INPP5D: variants seen among roughly 807,000 people sequenced by gnomAD.
INPP5D encodes the protein inositol polyphosphate-5-phosphatase D.
In INPP5D, 33 loss-of-function variants were observed where a neutral mutation model predicts 122.9. That is an observed-to-expected ratio of 0.27 (90% CI 0.20 to 0.36). INPP5D has a LOEUF of 0.36. Among genes scored for constraint, INPP5D ranks in the 10% least tolerant of loss-of-function variants. INPP5D has a pLI of 1.00. For synonymous variants in INPP5D, 584 were observed against 576.2 expected, an observed-to-expected ratio of 1.01 and a Z score of -0.19; for missense variants, 1,053 against 1,412.7, an observed-to-expected ratio of 0.75 and a Z score of 4.08.
chr2:233,120,829 C>T (rs568358379), intron 2 of INPP5D: 1 of 152,340 alleles, frequency 6.6e-6, no homozygotes, highest in East Asian at 1.9e-4. Flanking sequence ...ACAATTACCC[C>T]CAAGGTCCTC....
chr2:233,073,183 C>T (rs765747037), intron 1 of INPP5D, among the ~76,000 whole-genome samples: 1 of 152,186 alleles, frequency 6.6e-6, no homozygotes, highest in Non-Finnish European at 1.5e-5. Context: ...GAGAGTGGGT[C>T]TCGCTGGGGG....
At chr2:233,136,777 G>A (rs973249009) in intron 5 of INPP5D, among the ~76,000 whole-genome samples, 3 of 151,958 alleles carry the variant, frequency 2.0e-5, no homozygotes, top group African/African-American at 7.3e-5. Flanking sequence ...AGGACAAGAT[G>A]GTAAAAATAA....
At chr2:233,080,430 G>GTGT (rs1691648243) in intron 2 of INPP5D, among the ~76,000 whole-genome samples, 1 of 148,496 alleles carries the variant, frequency 6.7e-6, no homozygotes, top group African/African-American at 2.5e-5. Context: ...CCACATCCCG[G>GTGT]GTGTGTGTGT....
chr2:233,170,403 G>A lies in INPP5D; in HGVS notation c.1792-93G>A, dbSNP rs1574783344. 133 of 1,563,920 alleles carry A rather than the reference G, an allele frequency of 8.5e-5. No individual in the cohort carries two copies. The South Asian group carries it at 1.4e-3, about 17-fold the overall frequency. On this transcript the variant is annotated intron_variant, in intron 15 of 26. Transcript: ENST00000445964. This position sits in a 1 kb window ranked among gnomAD's most constrained non-coding sequence, Gnocchi z 4.5. ...CCCTGCCACCATCACTCTGCAGCCC[G>A]GGTCATCCAGCTGCCCGCCCCCAGC...
intron 2 of INPP5D, among the ~76,000 whole-genome samples, chr2:233,097,406 A>T (rs187776815): frequency 3.9e-5 from 6 of 152,358 alleles, no homozygotes; most frequent in African/African-American, 1.4e-4. Flanking sequence ...CATGTAATTA[A>T]TAGGTTAATT....
chr2:233,112,135 A>G (rs72984248), intron 2 of INPP5D, among the ~76,000 whole-genome samples: 7,678 of 151,482 alleles, frequency 0.051, 614 homozygotes, highest in African/African-American at 0.17. Flanking sequence ...TTTAGCATGT[A>G]TTGACGATTC....
At chr2:233,137,832 CAAAA>C (rs746005379) in intron 5 of INPP5D, among the ~76,000 whole-genome samples, 21 of 10,124 alleles carry the variant, frequency 2.1e-3, no homozygotes, top group African/African-American at 2.7e-3. Context: ...AACTCCATCA[CAAAA>C]AAAAAAAAAA....
chr2:233,076,563 T>A (rs753832221), intron 1 of INPP5D: 1 of 152,158 alleles, frequency 6.6e-6, no homozygotes, highest in Non-Finnish European at 1.5e-5. Flanking sequence ...AGCCATAAAA[T>A]AAAATATTGT....
At chr2:233,118,416 G>C (rs904636112) in intron 2 of INPP5D, among the ~76,000 whole-genome samples, 5 of 152,168 alleles carry the variant, frequency 3.3e-5, no homozygotes, top group Admixed American at 2.6e-4. Context: ...CCCCTCCGCT[G>C]TCTGGGCCGG....
intron 9 of INPP5D, among the ~76,000 whole-genome samples, chr2:233,153,922 A>G (rs1457068713): frequency 6.6e-6 from 1 of 152,162 alleles, no homozygotes; most frequent in African/African-American, 2.4e-5. Flanking sequence ...GGCAGGAGTT[A>G]GAAGTCTTCT....
intron 2 of INPP5D, among the ~76,000 whole-genome samples, chr2:233,088,699 G>A (rs1691914479): frequency 6.6e-6 from 1 of 152,238 alleles, no homozygotes; most frequent in Admixed American, 6.5e-5. Flanking sequence ...ACGCACAGAG[G>A]CCAGTCAGCT....
Position 233,177,294 on chromosome 2 carries a change from C to A in INPP5D, c.2019C>A (p.Asp673Glu). The change falls in exon 18 of 27, where the codon GAC becomes GAA. Residue 673 changes from aspartate (D) to glutamate (E), a missense_variant. By Grantham distance (45) the Asp-to-Glu change is conservative. Around this residue, in one of 6 missense-constraint regions of INPP5D, gnomAD observed 258 missense variants for 439.1 expected, o/e 0.59. Coordinates refer to ENST00000445964, the MANE Select transcript of INPP5D (RefSeq NM_001017915.3). This position sits in a 1 kb window ranked among gnomAD's most constrained non-coding sequence, Gnocchi z 4.2. ...GMKYNLPSWC[D>E]RVLWKSYPLV... ...AGTACAACTTGCCTTCCTGGTGTGA[C>A]CGAGTCCTCTGGAAGTCTTATCCCC... The A allele has an allele frequency of 6.2e-7, 1 of 1,613,876 alleles. No homozygotes were observed. Among genetic ancestry groups the A allele is most frequent in the Non-Finnish European group, 8.5e-7 (1 of 1,179,838 alleles).
intron 6 of INPP5D, among the ~76,000 whole-genome samples, chr2:233,144,662 T>G (rs1375141414): frequency 8.9e-6 from 1 of 112,240 alleles, no homozygotes; most frequent in Non-Finnish European, 2.1e-5. Context: ...GGGGTAGAGA[T>G]GGTGGTGGTG....
At chr2:233,194,044 A>G (rs1471538304) in intron 23 of INPP5D, 83 bp downstream of exon 23, 10 of 1,461,372 alleles carry the variant, frequency 6.8e-6, no homozygotes, top group South Asian at 1.4e-5. Flanking sequence ...AAAGCTGTCG[A>G]ATATGCTCTC....
intron 4 of INPP5D, among the ~76,000 whole-genome samples, chr2:233,126,762 A>G (rs1371105304): frequency 1.3e-5 from 2 of 152,130 alleles, no homozygotes; most frequent in African/African-American, 4.8e-5. Flanking sequence ...TCCACTAAAA[A>G]TACAAAAATT....
Position 233,183,129 on chromosome 2 carries a change from A to AG in INPP5D, c.2161+632dup, listed in dbSNP as rs1405220131. ...ATAATCCAGCTCAGCCCTGGTTGCC[A>AG]GGCCACCCTCATCCCAGCTGGGCCA... On this transcript the variant is annotated intron_variant, in intron 19 of 26. Transcript: ENST00000445964. This position sits in a 1 kb window ranked among gnomAD's most constrained non-coding sequence, Gnocchi z 4.6. 6.6e-5 allele frequency among the ~76,000 whole-genome samples: 10 copies of AG among 152,282 alleles called. No individual in the cohort carries two copies. In the South Asian group the frequency reaches 2.1e-3, roughly 32 times the overall value.
At chr2:233,161,486 G>A (rs1694197133) in intron 10 of INPP5D, among the ~76,000 whole-genome samples, 2 of 152,168 alleles carry the variant, frequency 1.3e-5, no homozygotes, top group South Asian at 4.1e-4. Flanking sequence ...AGCCGTGACA[G>A]GGTTGGACTT....
At chr2:233,070,700 C>T (rs1316951593) in intron 1 of INPP5D, among the ~76,000 whole-genome samples, 1 of 152,108 alleles carries the variant, frequency 6.6e-6, no homozygotes, top group East Asian at 1.9e-4. Context: ...CTCGGCCTCC[C>T]AAAGTGCTGG....
chr2:233,081,966 C>G (rs1487134206), intron 2 of INPP5D, among the ~76,000 whole-genome samples: 1 of 152,170 alleles, frequency 6.6e-6, no homozygotes, highest in East Asian at 1.9e-4. Flanking sequence ...CCCCCTCTGC[C>G]TCTCAGAGAT....
Sources: allele counts gnomAD v4.1 joint callset (sites outside exome capture counted in the v4.1 genomes callset), GRCh38; gene constraint gnomAD v4.1.1; regional missense constraint gnomAD v4.1.1; non-coding constraint Gnocchi (gnomAD v3.1); transcripts MANE v1.5; gene names NCBI Gene and HGNC (gene_info 2026-07-23, HGNC 2026-07-21).